CDH18: variants seen among roughly 807,000 people sequenced by gnomAD.
CDH18 encodes the protein cadherin-18.
Under a neutral mutation model 67.9 loss-of-function variants are expected in CDH18, and 31 were observed. The observed-to-expected ratio is 0.46, with a 90% CI of 0.34 to 0.62. The LOEUF (loss-of-function observed/expected upper bound fraction) is 0.62, where lower values mean the gene tolerates loss of function less well. Among genes scored for constraint, CDH18 ranks in the 20% least tolerant of loss-of-function variants. The probability of loss-of-function intolerance (pLI) is 0.01; values close to 1 mark genes in which losing one functional copy is unlikely to be tolerated. For synonymous variants in CDH18, 362 were observed against 347.2 expected (o/e 1.04, Z -0.48); for missense variants, 890 against 975.5 (o/e 0.91, Z 1.17).
chr5:20,070,404 T>C (rs1280484447), intron 2 of CDH18, among the ~76,000 whole-genome samples: 1 of 152,164 alleles, frequency 6.6e-6, no homozygotes, highest in African/African-American at 2.4e-5. Flanking sequence ...GGGTAATGTT[T>C]GTGTTATTAA....
intron 1 of CDH18, among the ~76,000 whole-genome samples, chr5:20,289,863 C>G (rs1746975599): frequency 6.6e-6 from 1 of 152,040 alleles, no homozygotes; most frequent in East Asian, 1.9e-4. Flanking sequence ...AAGAACAAGG[C>G]AAAGAGAATG....
At chr5:20,273,356 T>A (rs1745575874) in intron 1 of CDH18, among the ~76,000 whole-genome samples, 1 of 151,998 alleles carries the variant, frequency 6.6e-6, no homozygotes, top group Non-Finnish European at 1.5e-5. Context: ...CTCGAGAGAT[T>A]AAGGTCGACT....
chr5:20,196,439 G>T (rs910903253), intron 2 of CDH18, among the ~76,000 whole-genome samples: 1 of 152,094 alleles, frequency 6.6e-6, no homozygotes, highest in African/African-American at 2.4e-5. Context: ...GAAATTAAAT[G>T]CAGGCAGTCT....
At chr5:19,735,936 T>C (rs1370721365) in intron 4 of CDH18, among the ~76,000 whole-genome samples, 1 of 152,150 alleles carries the variant, frequency 6.6e-6, no homozygotes, top group East Asian at 1.9e-4. Context: ...TACATGACAA[T>C]TATGTAAAAG....
intron 2 of CDH18, among the ~76,000 whole-genome samples, chr5:20,176,500 T>C (rs552277150): frequency 3.5e-4 from 54 of 152,168 alleles, no homozygotes; most frequent in Non-Finnish European, 5.9e-4. Flanking sequence ...TGTTATAACC[T>C]TTGTAGCCTT....
chr5:20,218,390 A>G (rs1448422372), intron 2 of CDH18, among the ~76,000 whole-genome samples: 2 of 152,072 alleles, frequency 1.3e-5, no homozygotes, highest in African/African-American at 4.8e-5. Flanking sequence ...AAATACATGG[A>G]AATTAAACAA....
intron 6 of CDH18, among the ~76,000 whole-genome samples, chr5:19,605,149 A>T (rs1747831013): frequency 6.6e-6 from 1 of 151,942 alleles, no homozygotes; most frequent in Non-Finnish European, 1.5e-5. Flanking sequence ...ATAGATTAAA[A>T]ACAAACCGTA....
At chr5:20,286,778 T>C (rs1277961359) in intron 1 of CDH18, among the ~76,000 whole-genome samples, 3 of 151,744 alleles carry the variant, frequency 2.0e-5, no homozygotes, top group African/African-American at 4.8e-5. Flanking sequence ...ACTAAGTTTA[T>C]GATCCAGCTC....
chr5:19,503,082 T>C lies in CDH18; in HGVS notation c.1540A>G (p.Lys514Glu). 2 of 1,598,092 alleles carry C rather than the reference T, an allele frequency of 1.3e-6. No homozygotes were observed. Among genetic ancestry groups the C allele is most frequent in the Non-Finnish European group, 8.6e-7 (1 of 1,165,560 alleles). ...CTTGGTCCATTGGCAAAATCATCTT[T>C]ATCAGTGGCACTGATGGTATGAATA... ...QVIHTISATD[K>E]DDFANGPRFN... Residue 514 changes from lysine (K) to glutamate (E), a missense_variant, in exon 11 of 13, where the codon AAA (lysine) becomes GAA (glutamate). Physicochemically the swap from Lys to Glu is moderately conservative, Grantham distance 56 (BLOSUM62 1). This residue lies in a region of CDH18 where 656 missense variants were observed against 668.1 expected (regional missense o/e 0.98). Coordinates refer to ENST00000382275, the MANE Select transcript of CDH18 (RefSeq NM_004934.5).
intron 2 of CDH18, among the ~76,000 whole-genome samples, chr5:20,006,951 T>G (rs1298575568): frequency 1.3e-5 from 2 of 151,858 alleles, no homozygotes; most frequent in Non-Finnish European, 2.9e-5. Context: ...TAGGTCAATT[T>G]TCATGTAAAT....
chr5:19,778,300 T>C (rs1039178360), intron 3 of CDH18, among the ~76,000 whole-genome samples: 1 of 152,194 alleles, frequency 6.6e-6, no homozygotes, highest in African/African-American at 2.4e-5. Context: ...ACAACAAAGA[T>C]ATCTGCTTTC....
chr5:20,006,636 G>T (rs931476591), intron 2 of CDH18, among the ~76,000 whole-genome samples: 11 of 151,744 alleles, frequency 7.2e-5, no homozygotes, highest in Admixed American at 2.6e-4. Context: ...ATTAGCACAT[G>T]GCATTTTATA....
intron 2 of CDH18, among the ~76,000 whole-genome samples, chr5:20,244,008 A>G (rs111297593): frequency 1.6e-4 from 24 of 152,268 alleles, no homozygotes; most frequent in African/African-American, 5.5e-4. Flanking sequence ...AATTTTTGAC[A>G]TTCCTGAGTT....
At chr5:19,961,856 G>A (rs75851717) in intron 2 of CDH18, among the ~76,000 whole-genome samples, 1,857 of 151,438 alleles carry the variant, frequency 0.012, 64 homozygotes, top group African/African-American at 0.043. Flanking sequence ...CCTTAATCTC[G>A]TTTGCAGTAA....
chr5:20,378,746 T>C (rs1743668534), intron 1 of CDH18, among the ~76,000 whole-genome samples: 1 of 152,080 alleles, frequency 6.6e-6, no homozygotes, highest in Non-Finnish European at 1.5e-5. Flanking sequence ...GCGACAATCA[T>C]GAGTAGTTAG....
chr5:20,570,312 T>A (rs1758741657), intron 1 of CDH18, among the ~76,000 whole-genome samples: 1 of 152,140 alleles, frequency 6.6e-6, no homozygotes, highest in Non-Finnish European at 1.5e-5. Flanking sequence ...TCCATCATTT[T>A]TTGTAAAGCT....
intron 1 of CDH18, among the ~76,000 whole-genome samples, chr5:20,325,861 G>T (rs570833241): frequency 6.6e-6 from 1 of 152,118 alleles, no homozygotes; most frequent in South Asian, 2.1e-4. Context: ...CATCTACATT[G>T]GCCTATATTA....
At chr5:20,341,302 G>A (rs2150043560) in intron 1 of CDH18, among the ~76,000 whole-genome samples, 1 of 152,120 alleles carries the variant, frequency 6.6e-6, no homozygotes, top group Non-Finnish European at 1.5e-5. Context: ...AAAGCAGGTG[G>A]AAAAACGTAA....
At chr5:19,624,959 GC>G (rs1751291470) in intron 5 of CDH18, among the ~76,000 whole-genome samples, 1 of 151,742 alleles carries the variant, frequency 6.6e-6, no homozygotes, top group African/African-American at 2.4e-5. Flanking sequence ...GCTATAGAAT[GC>G]CCTCTTGAAT....
Sources: allele counts gnomAD v4.1 joint callset (sites outside exome capture counted in the v4.1 genomes callset), GRCh38; gene constraint gnomAD v4.1.1; regional missense constraint gnomAD v4.1.1; transcripts MANE v1.5; gene names NCBI Gene and HGNC (gene_info 2026-07-23, HGNC 2026-07-21).